PRSS57: variants seen among roughly 807,000 people sequenced by gnomAD.
PRSS57 encodes neutrophil serine protease 4.
PRSS57 carries 19 observed loss-of-function variants against 20.6 expected under a neutral mutation model. The observed-to-expected ratio is 0.92, with a 90% CI of 0.64 to 1.35. PRSS57 has a LOEUF of 1.35. Among genes scored for constraint, PRSS57 ranks in the 40% most tolerant of loss-of-function variants. The pLI is 0.00. For missense variants in PRSS57, 440 were observed against 403.7 expected, an observed-to-expected ratio of 1.09 and a Z score of -0.77; for synonymous variants, 203 against 176.6, an observed-to-expected ratio of 1.15 and a Z score of -1.19.
Position 687,029 on chromosome 19 carries a change from G to A in PRSS57, c.538C>T (p.Arg180Ter), listed in dbSNP as rs747208346. The A allele has an allele frequency of 3.2e-5, 51 of 1,613,954 alleles. No homozygotes were observed. Among genetic ancestry groups the A allele is most frequent in the Admixed American group, 6.7e-5 (4 of 60,002 alleles). The change falls in exon 4 of 5, where the codon CGA (arginine) becomes TGA (stop). Residue 180 changes from arginine to a stop codon, truncating the protein, a stop_gained. Coordinates refer to ENST00000329267, the MANE Select transcript of PRSS57 (RefSeq NM_001308209.2). LOFTEE classifies it high-confidence loss of function. The stretch of plus-strand genomic sequence containing the variant: ...TTGCAGACGTCCGGGTCCAGCACTC[G>A]GACCTTGGCCTCCATCAGTCCAGGC... ...LPPGLMEAKV[R>*]VLDPDVCNSS...
intron 3 of PRSS57, among the ~76,000 whole-genome samples, chr19:688,661 C>T (rs1488600354): frequency 2.2e-4 from 32 of 145,390 alleles, no homozygotes; most frequent in African/African-American, 7.3e-4. Flanking sequence ...TGCAGTGGCA[C>T]GATCTCGGCT....
At position 687,016 on chromosome 19, in the gene PRSS57, G is replaced by C. The variant is rs141818540; in HGVS notation, c.551C>G (p.Pro184Arg). ...CTTCCAGGAGCTGTTGCAGACGTCC[G>C]GGTCCAGCACTCGGACCTTGGCCTC... is the stretch of plus-strand genomic sequence containing the variant. ...LMEAKVRVLD[P>R]DVCNSSWKGH... is the part of the protein sequence containing the mutation. The change falls in exon 4 of 5, where the codon CCG becomes CGG. Residue 184 changes from proline (P) to arginine (R), a missense_variant. Transcript: ENST00000329267. 220 of 1,614,074 alleles carry C rather than the reference G, an allele frequency of 1.4e-4. 1 individual carries two copies. In the Middle Eastern group the frequency reaches 4.3e-3, roughly 31 times the overall value.
At chr19:691,004 TGG>T in intron 3 of PRSS57, 2 of 391,672 alleles carry the variant, frequency 5.1e-6, no homozygotes, top group Non-Finnish European at 9.7e-6. Flanking sequence ...ACTGCCACCC[TGG>T]GCCACTTTGC....
Position 691,213 on chromosome 19 carries a change from A to G in PRSS57, c.378+645T>C, listed in dbSNP as rs535183755. ...GAAAAATAAAGTGAATTAAGCCTGG[A>G]AAAAAAAAATGGCCAGGCACGATGG... On this transcript the variant is annotated intron_variant, in intron 3 of 4. Transcript: ENST00000329267. The G allele has an allele frequency of 1.4e-3, 225 of 155,472 alleles. 1 individual carries two copies. Among genetic ancestry groups the G allele is most frequent in the African/African-American group, 5.1e-3 (209 of 41,058 alleles). 9.6% of individuals were successfully genotyped at this position (155,472 alleles called of 1,614,324 possible). A position where few individuals can be genotyped will look rare whatever the true frequency, so the allele number is the denominator to read the frequency against.
intron 3 of PRSS57, chr19:690,814 C>T (rs10412461): frequency 0.081 from 26,885 of 330,342 alleles, 1,423 homozygotes; most frequent in East Asian, 0.26. Context: ...ACAGAGGCTA[C>T]TGGGGGAACA....
Position 687,034 on chromosome 19 carries a change from T to C in PRSS57, c.533A>G (p.Lys178Arg). ...EELPPGLMEA[K>R]VRVLDPDVCN... ...GACGTCCGGGTCCAGCACTCGGACC[T>C]TGGCCTCCATCAGTCCAGGCGGCAG... The change falls in exon 4 of 5, where the codon AAG (lysine) becomes AGG (arginine). Residue 178 changes from lysine (K) to arginine (R), a missense_variant. Coordinates refer to ENST00000329267, the MANE Select transcript of PRSS57 (RefSeq NM_001308209.2). The C allele has an allele frequency of 5.0e-6, 8 of 1,614,094 alleles. No individual in the cohort carries two copies. Among genetic ancestry groups the C allele is most frequent in the Non-Finnish European group, 6.8e-6 (8 of 1,180,038 alleles).
At chr19:690,561 C>T (rs545713305) in intron 3 of PRSS57, 27 of 261,288 alleles carry the variant, frequency 1.0e-4, no homozygotes, top group African/African-American at 5.6e-4. Flanking sequence ...TGTCTCTTCT[C>T]CCTGCCCATC....
At chr19:688,602 C>CTGTTTTTTTTTTTTT in intron 3 of PRSS57, among the ~76,000 whole-genome samples, 1 of 110,208 alleles carries the variant, frequency 9.1e-6, no homozygotes, top group Non-Finnish European at 1.8e-5. Context: ...CACCCAGGGA[C>CTGTTTTTTTTTTTTT]TTTTTTTTTT....
Position 685,649 on chromosome 19 carries a change from G to A in PRSS57, c.*67C>T, listed in dbSNP as rs1201906884. The A allele has an allele frequency of 2.1e-6, 3 of 1,422,374 alleles. No homozygotes were observed. Among genetic ancestry groups the A allele is most frequent in the Non-Finnish European group, 2.8e-6 (3 of 1,064,842 alleles). The allele number at this position is 1,422,374 out of a possible 1,614,324, so 88.1% of individuals were successfully genotyped here. On this transcript the variant is annotated 3_prime_UTR_variant, in exon 5 of 5. Transcript: ENST00000329267. The stretch of plus-strand genomic sequence containing the variant: ...CAACCCTGAACATCAGGCTTCCCGT[G>A]GGGCCCAGCCACGGAACATTCCAGG...
Position 695,365 on chromosome 19 carries a change from G to A in PRSS57, c.66C>T (p.Pro22=), listed in dbSNP as rs1201986382. 8 of 1,278,544 alleles carry A rather than the reference G, an allele frequency of 6.3e-6. No individual in the cohort carries two copies. The highest frequency in any genetic ancestry group is 7.9e-6 in the Non-Finnish European group (8 of 1,008,164). The allele number at this position is 1,278,544 out of a possible 1,614,324, so 79.2% of individuals were successfully genotyped here. ...GGGGCTCCTCACCGGGGGGCTTCAC[G>A]GGCAGCATCAGGGCGGTGGCCACAG... ...LLTVATALML[P]VKPPGSWGAQ... The change falls in exon 1 of 5, where the codon CCC becomes CCT. Residue 22 remains proline, a synonymous_variant. Coordinates refer to ENST00000329267, the MANE Select transcript of PRSS57 (RefSeq NM_001308209.2).
Position 694,691 on chromosome 19 carries a change from A to C in PRSS57, c.233+123T>G, listed in dbSNP as rs939682374. 94 of 1,127,772 alleles carry C rather than the reference A, an allele frequency of 8.3e-5. 1 individual carries two copies. In the East Asian group the frequency reaches 1.3e-3, roughly 15 times the overall value. 69.9% of individuals were successfully genotyped at this position (1,127,772 alleles called of 1,614,324 possible). A position where few individuals can be genotyped will look rare whatever the true frequency, so the allele number is the denominator to read the frequency against. On this transcript the variant is annotated intron_variant, in intron 2 of 4. Coordinates refer to ENST00000329267, the MANE Select transcript of PRSS57 (RefSeq NM_001308209.2). ...TTTCCCTTTGTTGCCCTTTAAATCC[A>C]GCCCCTGCTGAGACTCCCCCTCCTG...
rs762466495 is a variant in PRSS57 at position 694,923 on chromosome 19, G to A, written c.124C>T (p.His42Tyr). Residue 42 changes from histidine (H) to tyrosine (Y), a missense_variant, in exon 2 of 5, where the codon CAC becomes TAC. His to Tyr is a moderately conservative substitution (Grantham distance 83). Coordinates refer to ENST00000329267, the MANE Select transcript of PRSS57 (RefSeq NM_001308209.2). ...QIIGGHEVTP[H>Y]SRPYMASVRF... ...ACGGATGCCATGTAGGGCCTGGAGT[G>A]GGGGGTCACCTCGTGGCCCCCGATG... The A allele has an allele frequency of 4.4e-6, 7 of 1,588,572 alleles. No homozygotes were observed. The highest frequency in any genetic ancestry group is 6.0e-6 in the Non-Finnish European group (7 of 1,167,306).
chr19:690,989 G>C (rs2031628340), intron 3 of PRSS57: 1 of 417,664 alleles, frequency 2.4e-6, no homozygotes, highest in African/African-American at 2.1e-5. Flanking sequence ...TTAGCCAGGG[G>C]CTGCACTGCC....
At chr19:689,687 G>C (rs1048238008) in intron 3 of PRSS57, among the ~76,000 whole-genome samples, 1 of 152,144 alleles carries the variant, frequency 6.6e-6, no homozygotes, top group African/African-American at 2.4e-5. Flanking sequence ...GCGGGGCTGA[G>C]GCAGGAGGAT....
chr19:691,515 A>AG (rs1269791002), intron 3 of PRSS57, among the ~76,000 whole-genome samples: 1 of 147,210 alleles, frequency 6.8e-6, no homozygotes, highest in Non-Finnish European at 1.5e-5. Context: ...AAAAAAAAAA[A>AG]AAAAGAAAAG....
At chr19:691,323 G>T (rs1891901684) in intron 3 of PRSS57, among the ~76,000 whole-genome samples, 1 of 151,926 alleles carries the variant, frequency 6.6e-6, no homozygotes, top group Non-Finnish European at 1.5e-5. Flanking sequence ...GGCCAACATA[G>T]TGAAACCCCA....
chr19:690,718 C>T (rs1275154899), intron 3 of PRSS57: 6 of 336,486 alleles, frequency 1.8e-5, no homozygotes, highest in African/African-American at 6.6e-5. Flanking sequence ...ATGGCCACGT[C>T]GGTCTGGGTG....
At chr19:690,324 A>G (rs2031608902) in intron 3 of PRSS57, 1 of 151,844 alleles carries the variant, frequency 6.6e-6, no homozygotes, top group Non-Finnish European at 1.5e-5. Flanking sequence ...AAAAAAAAAT[A>G]GCCCAGGGCT....
intron 3 of PRSS57, among the ~76,000 whole-genome samples, chr19:687,808 G>A (rs1163327584): frequency 1.3e-5 from 2 of 152,002 alleles, no homozygotes; most frequent in African/African-American, 2.4e-5. Flanking sequence ...CAGGGCCTCT[G>A]AGGGCTCTCC....
Sources: allele counts gnomAD v4.1 joint callset (sites outside exome capture counted in the v4.1 genomes callset), GRCh38; gene constraint gnomAD v4.1.1; transcripts MANE v1.5; gene names NCBI Gene and HGNC (gene_info 2026-07-23, HGNC 2026-07-21).